ZNF641: variants seen among roughly 807,000 people sequenced by gnomAD.
ZNF641 encodes zinc finger protein 641.
In ZNF641, 26 loss-of-function variants were observed where a neutral mutation model predicts 46.2. The observed-to-expected ratio is 0.56, with a 90% CI of 0.41 to 0.78. The LOEUF is 0.78. ZNF641 is among the 30% of genes least tolerant of loss of function. The probability of loss-of-function intolerance (pLI) is 0.00; values close to 1 mark genes in which losing one functional copy is unlikely to be tolerated. For missense variants in ZNF641, 469 were observed against 517.8 expected (o/e 0.91, Z 0.91); for synonymous variants, 163 against 187.9 (o/e 0.87, Z 1.09).
Position 48,350,895 on chromosome 12 carries a change from A to C in ZNF641, c.-135T>G, listed in dbSNP as rs1238087460. ...GCCGGCGGCCGGCGGAGCCAGCGAC[A>C]GGCGGAGACGGCGGCCCGGCAGGCG... On this transcript the variant is annotated 5_prime_UTR_variant, in exon 1 of 6. Coordinates refer to ENST00000547026, the MANE Select transcript of ZNF641 (RefSeq NM_001172681.2). The C allele has an allele frequency of 2.0e-6, 2 of 983,708 alleles. No individual in the cohort carries two copies. Among genetic ancestry groups the C allele is most frequent in the Non-Finnish European group, 2.4e-6 (2 of 828,700 alleles). 60.9% of individuals were successfully genotyped at this position (983,708 alleles called of 1,614,324 possible). A position where few individuals can be genotyped will look rare whatever the true frequency, so the allele number is the denominator to read the frequency against.
chr12:48,343,673 C>A lies in ZNF641; in HGVS notation c.575G>T (p.Arg192Ile). 6.5e-7 allele frequency: 1 copy of A among 1,538,814 alleles called. No homozygotes were observed. The highest frequency in any genetic ancestry group is 2.3e-5 in the East Asian group (1 of 44,220). The change falls in exon 6 of 6, where the codon AGA (arginine) becomes ATA (isoleucine). Residue 192 changes from arginine (R) to isoleucine (I), a missense_variant. Arg to Ile is a moderately conservative substitution (Grantham distance 97, BLOSUM62 -3). Transcript: ENST00000547026. ...DTPELEAEPP[R>I]MLSSVSEDTV... ...ATCTTCAGACACGCTGGATAACATTCTGGGAGGTTCTGCTTCTAGTTCAGG... is the reference window on the plus strand; with the variant it reads ...ATCTTCAGACACGCTGGATAACATTATGGGAGGTTCTGCTTCTAGTTCAGG...
chr12:48,348,588 T>C (rs1952944643), intron 1 of ZNF641, among the ~76,000 whole-genome samples: 1 of 152,202 alleles, frequency 6.6e-6, no homozygotes, highest in African/African-American at 2.4e-5. Flanking sequence ...TAGAATGAAA[T>C]GATTACTATA....
Position 48,344,656 on chromosome 12 carries a change from A to C in ZNF641, c.463T>G (p.Trp155Gly). 1 of 1,613,812 alleles carries C rather than the reference A, an allele frequency of 6.2e-7. No homozygotes were observed. Among genetic ancestry groups the C allele is most frequent in the Non-Finnish European group, 8.5e-7 (1 of 1,179,844 alleles). ...TCTAAGTCCTGGGGGTCAGGGACCCATTGTTCTTCTCCTCCTTCTAGTTGA... is the reference window on the plus strand; with the variant it reads ...TCTAAGTCCTGGGGGTCAGGGACCCCTTGTTCTTCTCCTCCTTCTAGTTGA... ...LSQLEGGEEQWVPDPQDLEER... is the reference protein window; with the variant it reads ...LSQLEGGEEQGVPDPQDLEER... Residue 155 changes from tryptophan to glycine, a missense_variant, in exon 5 of 6, where the codon TGG becomes GGG. By Grantham distance (184) the Trp-to-Gly change is radical. This residue lies in a region of ZNF641 where 346 missense variants were observed against 354.0 expected (regional missense o/e 0.98). Transcript: ENST00000547026.
intron 3 of ZNF641, among the ~76,000 whole-genome samples, chr12:48,346,691 G>A: frequency 6.6e-6 from 1 of 152,022 alleles, no homozygotes; most frequent in Non-Finnish European, 1.5e-5. Flanking sequence ...TCCTCCTGTG[G>A]ATAACAAACA....
At position 48,347,266 on chromosome 12, in the gene ZNF641, C is replaced by G; in HGVS notation, c.262G>C (p.Ala88Pro). 1 of 1,613,982 alleles carries G rather than the reference C, an allele frequency of 6.2e-7. No individual in the cohort carries two copies. Residue 88 changes from alanine (A) to proline (P), a missense_variant, in exon 3 of 6, where the codon GCG becomes CCG. Physicochemically the swap from Ala to Pro is conservative, Grantham distance 27. This residue lies in a region of ZNF641 where 98 missense variants were observed against 105.7 expected (regional missense o/e 0.93). Coordinates refer to ENST00000547026, the MANE Select transcript of ZNF641 (RefSeq NM_001172681.2). ...GDWEMAAALL[A>P]AGSQGLVTIK... ...GCAGAGCTCACCTGTGATCCAGCCG[C>G]AAGAAGTGCAGCTGCCATCTCCCAG...
chr12:48,347,155 T>C lies in ZNF641; in HGVS notation c.276+97A>G, dbSNP rs759103255. 9 of 1,597,828 alleles carry C rather than the reference T, an allele frequency of 5.6e-6. No homozygotes were observed. The South Asian group carries it at 9.0e-5, about 16-fold the overall frequency. ...AGTTATAAGATGAACATACCATTGA[T>C]GATCATGTGAGCCAACTCATCAATG... On this transcript the variant is annotated intron_variant, in intron 3 of 5. Coordinates refer to ENST00000547026, the MANE Select transcript of ZNF641 (RefSeq NM_001172681.2).
intron 4 of ZNF641, 73 bp from the exon 5 acceptor site, chr12:48,344,785 A>G: frequency 2.2e-6 from 2 of 921,428 alleles, no homozygotes; most frequent in Non-Finnish European, 3.4e-6. Flanking sequence ...AAAAAAATAC[A>G]AAAAACTGTT....
chr12:48,340,904 C>T lies in ZNF641; in HGVS notation c.*2069G>A, dbSNP rs1952702496. ...ATCTCCTAATACTGATCCTAAAATGCTCCTGTTTCTGAGAAGCTAGGGCAA... is the reference window on the plus strand; with the variant it reads ...ATCTCCTAATACTGATCCTAAAATGTTCCTGTTTCTGAGAAGCTAGGGCAA... On this transcript the variant is annotated 3_prime_UTR_variant, in exon 6 of 6. Coordinates refer to ENST00000547026, the MANE Select transcript of ZNF641 (RefSeq NM_001172681.2). 2 of 985,304 alleles carry T rather than the reference C, an allele frequency of 2.0e-6. No individual in the cohort carries two copies. Among genetic ancestry groups the T allele is most frequent in the South Asian group, 9.4e-5 (2 of 21,294 alleles). The allele number at this position is 985,304 out of a possible 1,614,324, so 61.0% of individuals were successfully genotyped here. A position where few individuals can be genotyped will look rare whatever the true frequency, so the allele number is the denominator to read the frequency against.
rs1223549135 is a variant in ZNF641, at chr12:48,341,152, C to A, written c.*1821G>T. ...CAGGACTCTGAGGAGCTGTGATTCA[C>A]CCAGTTTTTCCTGCAAAAGGCACAG... is the stretch of plus-strand genomic sequence containing the variant. On this transcript the variant is annotated 3_prime_UTR_variant, in exon 6 of 6. Transcript: ENST00000547026. The A allele has an allele frequency of 3.1e-5, 31 of 985,446 alleles. No individual in the cohort carries two copies. Among genetic ancestry groups the A allele is most frequent in the Non-Finnish European group, 8.4e-6 (7 of 829,940 alleles). The allele number at this position is 985,446 out of a possible 1,614,324, so 61.0% of individuals were successfully genotyped here. A position where few individuals can be genotyped will look rare whatever the true frequency, so the allele number is the denominator to read the frequency against.
chr12:48,345,201 CT>C (rs1952834709), intron 4 of ZNF641, 143 bp downstream of exon 4: 1 of 865,168 alleles, frequency 1.2e-6, no homozygotes, highest in South Asian at 2.5e-5. Context: ...GGGATTGGCC[CT>C]AGTGTTCTTT....
rs901072006 is a variant in ZNF641, at chr12:48,342,818, G to T, written c.*155C>A. Reference sequence around the variant, plus strand: ...ATGTGCTATCTCACAGAACTGGTGAGAAATGCTCTGGCCATTGCTGGGACC... The same window carrying T: ...ATGTGCTATCTCACAGAACTGGTGATAAATGCTCTGGCCATTGCTGGGACC... On this transcript the variant is annotated 3_prime_UTR_variant, in exon 6 of 6. Coordinates refer to ENST00000547026, the MANE Select transcript of ZNF641 (RefSeq NM_001172681.2). The T allele has an allele frequency of 7.0e-7, 1 of 1,434,344 alleles. No homozygotes were observed. Among genetic ancestry groups the T allele is most frequent in the Non-Finnish European group, 9.1e-7 (1 of 1,099,236 alleles). The allele number at this position is 1,434,344 out of a possible 1,614,324, so 88.9% of individuals were successfully genotyped here.
At position 48,342,449 on chromosome 12, in the gene ZNF641, C is replaced by A; in HGVS notation, c.*524G>T. 3 of 986,362 alleles carry A rather than the reference C, an allele frequency of 3.0e-6. No individual in the cohort carries two copies. The highest frequency in any genetic ancestry group is 3.6e-6 in the Non-Finnish European group (3 of 830,186). 61.1% of individuals were successfully genotyped at this position (986,362 alleles called of 1,614,324 possible). A position where few individuals can be genotyped will look rare whatever the true frequency, so the allele number is the denominator to read the frequency against. On this transcript the variant is annotated 3_prime_UTR_variant, in exon 6 of 6. Transcript: ENST00000547026. ...TGTTCACCAGAGTGTTTCATAGTCA[C>A]CAGTTCTGTGGGATGTAAATAGAAA...
Position 48,343,171 on chromosome 12 carries a change from C to T in ZNF641, c.1077G>A (p.Val359=), listed in dbSNP as rs1255965344. The change falls in exon 6 of 6, where the codon GTG becomes GTA. Residue 359 remains valine, a synonymous_variant. Coordinates refer to ENST00000547026, the MANE Select transcript of ZNF641 (RefSeq NM_001172681.2). ...CAAAGCTCTTCCCACATTCAGTGCA[C>T]ACGTGACACTTTGGCACTGGTGGGG... ...QRAPPVPKCH[V]CTECGKSFGR... 3.7e-6 allele frequency: 6 copies of T among 1,614,038 alleles called. No homozygotes were observed. Among genetic ancestry groups the T allele is most frequent in the East Asian group, 2.2e-5 (1 of 44,894 alleles).
intron 5 of ZNF641, among the ~76,000 whole-genome samples, chr12:48,344,050 A>G (rs1952795323): frequency 6.6e-6 from 1 of 152,238 alleles, no homozygotes; most frequent in Non-Finnish European, 1.5e-5. Context: ...ACATAGTTTA[A>G]GTACTTAGTA....
chr12:48,339,308 C>A lies in ZNF641; in HGVS notation c.*3665G>T, dbSNP rs1952668210. ...GGTACCACTGCTTGAAATATGAATCCCCTAGCCAGTGGTTCTCAAACTTTA... is the reference window on the plus strand; with the variant it reads ...GGTACCACTGCTTGAAATATGAATCACCTAGCCAGTGGTTCTCAAACTTTA... On this transcript the variant is annotated 3_prime_UTR_variant, in exon 6 of 6. Coordinates refer to ENST00000547026, the MANE Select transcript of ZNF641 (RefSeq NM_001172681.2). 1 of 152,132 alleles carries A rather than the reference C, an allele frequency of 6.6e-6. No homozygotes were observed. Among genetic ancestry groups the A allele is most frequent in the Non-Finnish European group, 1.5e-5 (1 of 68,028 alleles). The allele number at this position is 152,132 out of a possible 1,614,324, so 9.4% of individuals were successfully genotyped here. A position where few individuals can be genotyped will look rare whatever the true frequency, so the allele number is the denominator to read the frequency against.
In ZNF641 at chr12:48,340,496, A is replaced by G; in HGVS notation, c.*2477T>C. ...GAATGTAAGCAATACCCTTGTCGTA[A>G]TTAAAGACCAGACTCCATCCTTATA... is the stretch of plus-strand genomic sequence containing the variant. On this transcript the variant is annotated 3_prime_UTR_variant, in exon 6 of 6. Coordinates refer to ENST00000547026, the MANE Select transcript of ZNF641 (RefSeq NM_001172681.2). 1 of 982,574 alleles carries G rather than the reference A, an allele frequency of 1.0e-6. No individual in the cohort carries two copies. Among genetic ancestry groups the G allele is most frequent in the Non-Finnish European group, 1.2e-6 (1 of 829,002 alleles). The allele number at this position is 982,574 out of a possible 1,614,324, so 60.9% of individuals were successfully genotyped here.
rs553309106 is a variant in ZNF641, at chr12:48,338,458, A to G, written c.*4515T>C. The G allele has an allele frequency of 2.6e-5, 4 of 152,390 alleles. No individual in the cohort carries two copies. The East Asian group carries it at 7.7e-4, about 29-fold the overall frequency. The allele number at this position is 152,390 out of a possible 1,614,324, so 9.4% of individuals were successfully genotyped here. A position where few individuals can be genotyped will look rare whatever the true frequency, so the allele number is the denominator to read the frequency against. ...AAGAAAGTCTCAGCCTTGGGGTCTA[A>G]TCTTTTGACCTTGGAGAAGACCTGT... On this transcript the variant is annotated 3_prime_UTR_variant, in exon 6 of 6. Coordinates refer to ENST00000547026, the MANE Select transcript of ZNF641 (RefSeq NM_001172681.2).
chr12:48,334,839 G>C (rs899925065), downstream of ZNF641, among the ~76,000 whole-genome samples: 5 of 152,290 alleles, frequency 3.3e-5, no homozygotes, highest in Non-Finnish European at 7.4e-5. Flanking sequence ...AGACAGCGCC[G>C]GTGGGACCGC....
chr12:48,341,101 AG>A lies in ZNF641; in HGVS notation c.*1871del. On this transcript the variant is annotated 3_prime_UTR_variant, in exon 6 of 6. Transcript: ENST00000547026. ...TCTAAGAAGCCCAGTCAGCAAAATA[AG>A]TCTATCTTCAATTCTAGTTGAGTCC... The A allele has an allele frequency of 2.0e-6, 2 of 985,466 alleles. No homozygotes were observed. Among genetic ancestry groups the A allele is most frequent in the Non-Finnish European group, 2.4e-6 (2 of 829,940 alleles). 61.0% of individuals were successfully genotyped at this position (985,466 alleles called of 1,614,324 possible). A position where few individuals can be genotyped will look rare whatever the true frequency, so the allele number is the denominator to read the frequency against.
Sources: allele counts gnomAD v4.1 joint callset (sites outside exome capture counted in the v4.1 genomes callset), GRCh38; gene constraint gnomAD v4.1.1; regional missense constraint gnomAD v4.1.1; transcripts MANE v1.5; gene names NCBI Gene and HGNC (gene_info 2026-07-23, HGNC 2026-07-21).